The following SDF4 variants were observed in gnomAD, a reference collection of about 807,000 sequenced individuals.
The protein encoded by SDF4 is stromal cell derived factor 4, also known as 45 kDa calcium-binding protein.
SDF4 carries 22 observed loss-of-function variants against 34.2 expected under a neutral mutation model. That is an observed-to-expected ratio of 0.64 (90% CI 0.46 to 0.92). The LOEUF (loss-of-function observed/expected upper bound fraction) is 0.92, where lower values mean the gene tolerates loss of function less well. Ranked by LOEUF, SDF4 falls within the 40% of genes least tolerant of loss-of-function variation. SDF4 has a pLI of 0.00. For missense variants in SDF4, 447 were observed against 499.9 expected (o/e 0.89, Z 1.01); for synonymous variants, 236 against 203.1 (o/e 1.16, Z -1.38).
At chr1:1,227,110 C>T (rs566502850) in intron 2 of SDF4, among the ~76,000 whole-genome samples, 84 of 152,336 alleles carry the variant, frequency 5.5e-4, no homozygotes, top group Non-Finnish European at 9.8e-4. Flanking sequence ...GTGCTCCGCC[C>T]GAAAGCCTGG....
intron 4 of SDF4, chr1:1,219,764 G>A: frequency 1.0e-6 from 1 of 985,864 alleles, no homozygotes; most frequent in Non-Finnish European, 1.2e-6. Flanking sequence ...GGGGCTCACT[G>A]CAGTCAGTGG....
At chr1:1,231,245 T>G (rs1367035552) in intron 1 of SDF4, among the ~76,000 whole-genome samples, 2 of 152,206 alleles carry the variant, frequency 1.3e-5, no homozygotes, top group Non-Finnish European at 2.9e-5. Flanking sequence ...GGAATGGGGT[T>G]TCGACTTCGC....
Position 1,217,485 on chromosome 1 carries a change from G to T in SDF4, c.*27C>A, listed in dbSNP as rs1303375571. On this transcript the variant is annotated 3_prime_UTR_variant, in exon 7 of 7. Coordinates refer to ENST00000360001, the MANE Select transcript of SDF4 (RefSeq NM_016176.6). This position sits in a 1 kb window ranked among gnomAD's most constrained non-coding sequence, Gnocchi z 8.5. ...GCGAGGCCGCCCCGGTGGTGCGTGG[G>T]GGGCGGCGCGGGGCGCGGCCGGGCG... 2 of 1,482,340 alleles carry T rather than the reference G, an allele frequency of 1.3e-6. No homozygotes were observed. The highest frequency in any genetic ancestry group is 1.8e-6 in the Non-Finnish European group (2 of 1,114,942). The allele number at this position is 1,482,340 out of a possible 1,614,324, so 91.8% of individuals were successfully genotyped here.
chr1:1,220,477 C>T (rs936902775), intron 4 of SDF4: 8 of 1,194,080 alleles, frequency 6.7e-6, no homozygotes, highest in African/African-American at 3.2e-5. Context: ...CTTCCCAGGC[C>T]CCTCCTCCAG....
chr1:1,218,658 C>T lies in SDF4; in HGVS notation c.716-25G>A. ...TCTGCGAGACGGGAATGGGTCAGCC[C>T]ACACCCAGGCTGGGGCTCCCGCAGG... On this transcript the variant is annotated intron_variant, in intron 5 of 6. Coordinates refer to ENST00000360001, the MANE Select transcript of SDF4 (RefSeq NM_016176.6). This position sits in a 1 kb window ranked among gnomAD's most constrained non-coding sequence, Gnocchi z 7.9. The T allele has an allele frequency of 6.2e-7, 1 of 1,613,146 alleles. No homozygotes were observed. Among genetic ancestry groups the T allele is most frequent in the Non-Finnish European group, 8.5e-7 (1 of 1,179,632 alleles).
chr1:1,223,372 C>T lies in SDF4; in HGVS notation c.443-15G>A, dbSNP rs1000080973. On this transcript the variant is annotated splice_polypyrimidine_tract_variant and intron_variant, in intron 3 of 6. Transcript: ENST00000360001. ...AGACACGTGACCTGGAAGAGCAGAT[C>T]ACACCTGTCAGGGCCTCTGATACTG... 1.9e-6 allele frequency: 3 copies of T among 1,562,078 alleles called. No homozygotes were observed. Among genetic ancestry groups the T allele is most frequent in the South Asian group, 1.1e-5 (1 of 87,754 alleles).
intron 2 of SDF4, among the ~76,000 whole-genome samples, chr1:1,226,580 C>T (rs1388655290): frequency 6.6e-5 from 10 of 152,104 alleles, no homozygotes; most frequent in African/African-American, 1.9e-4. Flanking sequence ...CCTGGAGGGA[C>T]GGGGCCCTAC....
chr1:1,219,505 C>A, intron 4 of SDF4: 2 of 993,938 alleles, frequency 2.0e-6, no homozygotes, highest in Non-Finnish European at 2.4e-6. Flanking sequence ...TGCCCTTTTC[C>A]GTTTCCTTCA....
At position 1,228,826 on chromosome 1, in the gene SDF4, G is replaced by A; in HGVS notation, c.-54C>T. ...GCTGCAGGGTGTGGGCCAGGTGCTGGGAGGGGCAGGGGCAGGGGCAGAGGA... is the reference window on the plus strand; with the variant it reads ...GCTGCAGGGTGTGGGCCAGGTGCTGAGAGGGGCAGGGGCAGGGGCAGAGGA... On this transcript the variant is annotated 5_prime_UTR_variant, in exon 2 of 7. Coordinates refer to ENST00000360001, the MANE Select transcript of SDF4 (RefSeq NM_016176.6). 2 of 1,505,694 alleles carry A rather than the reference G, an allele frequency of 1.3e-6. No individual in the cohort carries two copies. Among genetic ancestry groups the A allele is most frequent in the South Asian group, 2.4e-5 (2 of 84,304 alleles). 93.3% of individuals were successfully genotyped at this position (1,505,694 alleles called of 1,614,324 possible).
intron 4 of SDF4, chr1:1,220,200 G>A: frequency 1.0e-6 from 1 of 992,224 alleles, no homozygotes; most frequent in East Asian, 1.1e-4. Context: ...CACGAGCCGG[G>A]CCTCTGCTGT....
At chr1:1,224,190 G>A (rs546654592) in intron 2 of SDF4, among the ~76,000 whole-genome samples, 2 of 152,254 alleles carry the variant, frequency 1.3e-5, no homozygotes, top group East Asian at 1.9e-4. Flanking sequence ...TCCCCTCCCC[G>A]GGGAAACACA....
rs916745303 is a variant in SDF4, at chr1:1,217,348, G to A, written c.*164C>T. 37 of 452,722 alleles carry A rather than the reference G, an allele frequency of 8.2e-5. No homozygotes were observed. The highest frequency in any genetic ancestry group is 1.4e-3 in the Middle Eastern group (2 of 1,414). The allele number at this position is 452,722 out of a possible 1,614,324, so 28.0% of individuals were successfully genotyped here. A position where few individuals can be genotyped will look rare whatever the true frequency, so the allele number is the denominator to read the frequency against. ...CAGCCAAAGCCCCGCCGGGGTGCGC[G>A]CTGCAGAGGGGACACGCCGCTCATC... On this transcript the variant is annotated 3_prime_UTR_variant, in exon 7 of 7. Coordinates refer to ENST00000360001, the MANE Select transcript of SDF4 (RefSeq NM_016176.6). The surrounding 1 kb of genome is among the most constrained non-coding windows in gnomAD (Gnocchi z 8.5).
At chr1:1,230,387 T>G (rs1473352072) in intron 1 of SDF4, among the ~76,000 whole-genome samples, 1 of 151,980 alleles carries the variant, frequency 6.6e-6, no homozygotes, top group Admixed American at 6.5e-5. Flanking sequence ...GTCAGTGCAG[T>G]CTGCCACAAA....
Position 1,224,007 on chromosome 1 carries a change from G to A in SDF4, c.306-39C>T. ...AATGGGCAGGTGGCCGTCAGACTGG[G>A]CCCCCAGGACCCCGAACAGCCAGAC... On this transcript the variant is annotated intron_variant, in intron 2 of 6. Coordinates refer to ENST00000360001, the MANE Select transcript of SDF4 (RefSeq NM_016176.6). 2.5e-6 allele frequency: 4 copies of A among 1,603,542 alleles called. No homozygotes were observed. In the East Asian group the frequency reaches 8.9e-5, roughly 36 times the overall value.
rs146921868 is a variant in SDF4, at chr1:1,228,185, G to A, written c.305+283C>T. ...GGAGGACGCTGACCACTGCAGTGCC[G>A]CGTGGGCTCCTCCAGGCTGTCCTAG... On this transcript the variant is annotated intron_variant, in intron 2 of 6. Coordinates refer to ENST00000360001, the MANE Select transcript of SDF4 (RefSeq NM_016176.6). Among the ~76,000 whole-genome samples, 373 of 152,338 alleles carry A rather than the reference G, an allele frequency of 2.4e-3. 3 individuals are homozygous for A. Among genetic ancestry groups the A allele is most frequent in the African/African-American group, 8.4e-3 (351 of 41,588 alleles).
intron 1 of SDF4, among the ~76,000 whole-genome samples, chr1:1,231,506 C>A (rs1051225752): frequency 2.0e-5 from 3 of 152,266 alleles, no homozygotes; most frequent in African/African-American, 7.2e-5. Flanking sequence ...ATCCTACTAA[C>A]TGGGGATGAG....
intron 2 of SDF4, among the ~76,000 whole-genome samples, chr1:1,228,014 G>A (rs1638367772): frequency 6.6e-6 from 1 of 152,210 alleles, no homozygotes; most frequent in African/African-American, 2.4e-5. Context: ...AACACACAGG[G>A]TAGAGGGCGT....
chr1:1,231,640 G>A (rs530019247), intron 1 of SDF4, among the ~76,000 whole-genome samples: 3 of 152,390 alleles, frequency 2.0e-5, no homozygotes, highest in South Asian at 2.1e-4. Flanking sequence ...GGTGGCATTC[G>A]TAGGTTTTGG....
chr1:1,230,288 GA>G (rs1638454560), intron 1 of SDF4, among the ~76,000 whole-genome samples: 1 of 152,186 alleles, frequency 6.6e-6, no homozygotes, highest in South Asian at 2.1e-4. Flanking sequence ...GGCGCTCAAC[GA>G]ATGCTACCCT....
Sources: gnomAD v4.1 joint callset for allele counts (sites outside exome capture counted in the v4.1 genomes callset) on GRCh38, gnomAD v4.1.1 for gene constraint, Gnocchi (gnomAD v3.1) non-coding constraint, MANE v1.5 for transcripts, NCBI Gene and HGNC (gene_info 2026-07-23, HGNC 2026-07-21) for gene names.